The following DGKH variants were observed in gnomAD, a reference collection of about 807,000 sequenced individuals.
DGKH encodes DAG kinase eta.
Under a neutral mutation model 159.3 loss-of-function variants are expected in DGKH, and 90 were observed. The ratio of observed to expected loss-of-function variants is 0.57; its 90% CI spans 0.48 to 0.67. The LOEUF (loss-of-function observed/expected upper bound fraction) is 0.67. DGKH is among the 30% of genes least tolerant of loss of function. DGKH has a pLI of 0.00. For synonymous variants in DGKH, 536 were observed against 553.8 expected (o/e 0.97, Z 0.45); for missense variants, 1,181 against 1,506.1 (o/e 0.78, Z 3.57).
intron 3 of DGKH, among the ~76,000 whole-genome samples, chr13:42,143,700 G>A (rs1432728217): frequency 1.6e-4 from 25 of 152,140 alleles, no homozygotes; most frequent in Admixed American, 1.6e-3. Context: ...GGTGTTTATA[G>A]TATTCTCTGA....
intron 1 of DGKH, among the ~76,000 whole-genome samples, chr13:42,124,167 A>G (rs1322608255): frequency 6.6e-6 from 1 of 152,212 alleles, no homozygotes; most frequent in Non-Finnish European, 1.5e-5. Flanking sequence ...TTTAAAATAT[A>G]CAAAATAATT....
At chr13:42,171,319 A>G (rs374132214) in intron 11 of DGKH, among the ~76,000 whole-genome samples, 1 of 152,120 alleles carries the variant, frequency 6.6e-6, no homozygotes, top group Non-Finnish European at 1.5e-5. Context: ...TGCTCTGTCT[A>G]GTGTCCAGGG....
In DGKH at chr13:42,241,241, G is replaced by A. The variant is rs1204781093; in HGVS notation, c.*12053G>A. 1.3e-5 allele frequency: 2 copies of A among 152,180 alleles called. No homozygotes were observed. Among genetic ancestry groups the A allele is most frequent in the African/African-American group, 4.8e-5 (2 of 41,440 alleles). The allele number at this position is 152,180 out of a possible 1,614,324, so 9.4% of individuals were successfully genotyped here. A position where few individuals can be genotyped will look rare whatever the true frequency, so the allele number is the denominator to read the frequency against. ...GATTCTGGGGATACAGATAAAATAA[G>A]ACAAAGCTCCCATCTGGTAGAGTCC... On this transcript the variant is annotated 3_prime_UTR_variant, in exon 30 of 30. Transcript: ENST00000337343.
intron 1 of DGKH, among the ~76,000 whole-genome samples, chr13:42,074,641 T>A (rs1443546838): frequency 2.3e-5 from 3 of 132,162 alleles, no homozygotes; most frequent in Non-Finnish European, 3.3e-5. Flanking sequence ...CTGTATTGTA[T>A]CTATCCGTCC....
chr13:42,185,594 A>T (rs1187179276), intron 13 of DGKH, among the ~76,000 whole-genome samples: 1 of 152,242 alleles, frequency 6.6e-6, no homozygotes, highest in Non-Finnish European at 1.5e-5. Context: ...TAATGGCAAG[A>T]AAAACCTCTA....
rs1178110126 is a variant in DGKH, at chr13:42,207,693, GTGTATATATATA to G, written c.2602-1264_2602-1253del. Among the ~76,000 whole-genome samples the G allele has an allele frequency of 5.5e-5, 7 of 126,532 alleles. 2 individuals carry two copies. The highest frequency in any genetic ancestry group is 1.9e-4 in the African/African-American group (7 of 36,144). 83.0% of individuals were successfully genotyped at this position (126,532 alleles called of 152,430 possible). ...AAAGAGAGGGCACAATTATTAAAGT[GTGTATATATATA>G]TATATATATATCAGTAAAAATGAGA... On this transcript the variant is annotated intron_variant, in intron 21 of 29. Transcript: ENST00000337343.
At chr13:42,184,186 T>C (rs2031860391) in intron 13 of DGKH, among the ~76,000 whole-genome samples, 1 of 152,212 alleles carries the variant, frequency 6.6e-6, no homozygotes, top group Non-Finnish European at 1.5e-5. Context: ...TTGATACTTC[T>C]AAATCATCTT....
At chr13:42,207,514 TTG>T (rs1278461191) in intron 21 of DGKH, among the ~76,000 whole-genome samples, 1 of 151,694 alleles carries the variant, frequency 6.6e-6, no homozygotes, top group Non-Finnish European at 1.5e-5. Context: ...TTTTCTAAAC[TTG>T]TGTGTGTATA....
intron 1 of DGKH, among the ~76,000 whole-genome samples, chr13:42,081,383 C>A (rs1014576649): frequency 7.2e-5 from 11 of 152,146 alleles, no homozygotes; most frequent in Admixed American, 7.2e-4. Flanking sequence ...GTGTGCACCA[C>A]CACGCCTGGC....
upstream of DGKH, among the ~76,000 whole-genome samples, chr13:42,046,725 A>C (rs1422084905): frequency 6.6e-6 from 1 of 152,250 alleles, no homozygotes. Context: ...GTTGCTATAT[A>C]AAACACATAA....
upstream of DGKH, among the ~76,000 whole-genome samples, chr13:42,048,564 G>C (rs1481394151): frequency 6.6e-6 from 1 of 152,196 alleles, no homozygotes; most frequent in Non-Finnish European, 1.5e-5. The surrounding 1 kb of genome is among the most constrained non-coding windows in gnomAD (Gnocchi z 6.7). Flanking sequence ...CCGCCGCTCC[G>C]GCGGGAACCG....
Position 42,184,891 on chromosome 13 carries a change from A to ATT in DGKH, c.1539-2158_1539-2157insTT, listed in dbSNP as rs1417914725. On this transcript the variant is annotated intron_variant, in intron 13 of 29. Coordinates refer to ENST00000337343, the MANE Select transcript of DGKH (RefSeq NM_178009.5). Reference sequence around the variant, plus strand: ...TCTAAAAATGTTTTTTTTTTTTTAAAAAAAAAGTTCTAACATTGATTAAAG... The same window carrying ATT: ...TCTAAAAATGTTTTTTTTTTTTTAAATTAAAAAAGTTCTAACATTGATTAAAG... Among the ~76,000 whole-genome samples, 114 of 143,520 alleles carry ATT rather than the reference A, an allele frequency of 7.9e-4. No individual in the cohort carries two copies. In the South Asian group the frequency reaches 9.3e-3, roughly 12 times the overall value. The allele number at this position is 143,520 out of a possible 152,430, so 94.2% of individuals were successfully genotyped here.
intron 1 of DGKH, chr13:42,071,221 G>T: frequency 2.4e-6 from 1 of 420,940 alleles, no homozygotes. Context: ...TCCACAGCAA[G>T]ATGGTTTCTT....
intron 5 of DGKH, among the ~76,000 whole-genome samples, chr13:42,157,712 G>A (rs1370772339): frequency 1.3e-5 from 2 of 152,080 alleles, no homozygotes; most frequent in African/African-American, 4.8e-5. Context: ...AAAAGAGAAG[G>A]TAAGCAAAAC....
chr13:42,191,389 G>A (rs1957061084), intron 16 of DGKH, among the ~76,000 whole-genome samples: 1 of 151,984 alleles, frequency 6.6e-6, no homozygotes, highest in Admixed American at 6.6e-5. Context: ...CTAACTATTG[G>A]GTCCTATGCT....
intron 21 of DGKH, among the ~76,000 whole-genome samples, chr13:42,208,354 T>A (rs1375385303): frequency 1.3e-5 from 2 of 152,156 alleles, no homozygotes; most frequent in African/African-American, 4.8e-5. Context: ...ATGCATCTAA[T>A]GTAAAGACAA....
intron 1 of DGKH, among the ~76,000 whole-genome samples, chr13:42,079,584 G>C (rs1954162809): frequency 1.3e-5 from 2 of 152,008 alleles, no homozygotes; most frequent in South Asian, 4.2e-4. Flanking sequence ...GGGTTTTTTT[G>C]CTCTTCACCC....
intron 1 of DGKH, among the ~76,000 whole-genome samples, chr13:42,097,388 ATC>A (rs1235767526): frequency 6.6e-6 from 1 of 152,160 alleles, no homozygotes; most frequent in Non-Finnish European, 1.5e-5. Context: ...GCCGACTGGA[ATC>A]TCTGTGTTGG....
intron 3 of DGKH, among the ~76,000 whole-genome samples, chr13:42,131,562 T>C (rs2137851669): frequency 6.6e-6 from 1 of 152,340 alleles, no homozygotes; most frequent in Non-Finnish European, 1.5e-5. Flanking sequence ...TGAGGATGGT[T>C]AATAGTGGCT....
Sources: allele counts gnomAD v4.1 joint callset (sites outside exome capture counted in the v4.1 genomes callset), GRCh38; gene constraint gnomAD v4.1.1; non-coding constraint Gnocchi (gnomAD v3.1); transcripts MANE v1.5; gene names NCBI Gene and HGNC (gene_info 2026-07-23, HGNC 2026-07-21).